Variants in GLIS3 observed in about 807,000 individuals in gnomAD.
GLIS3 encodes zinc finger protein GLIS3.
GLIS3 carries 53 observed loss-of-function variants against 78.6 expected under a neutral mutation model. That is an observed-to-expected ratio of 0.67 (90% CI 0.54 to 0.85). The LOEUF (loss-of-function observed/expected upper bound fraction) is 0.85, where lower values mean the gene tolerates loss of function less well. GLIS3 is among the 40% of genes least tolerant of loss of function. The pLI, the probability that GLIS3 is intolerant of heterozygous loss-of-function variation, is 0.00. For synonymous variants in GLIS3, 684 were observed against 509.9 expected (o/e 1.34, Z -4.60); for missense variants, 1,703 against 1,231.1 (o/e 1.38, Z -5.74).
intron 6 of GLIS3, among the ~76,000 whole-genome samples, chr9:3,914,667 A>C (rs1399429052): frequency 2.6e-5 from 4 of 152,322 alleles, no homozygotes; most frequent in Admixed American, 1.3e-4. Context: ...CCTTGCTTCT[A>C]AAGAGTCAAT....
intron 4 of GLIS3, among the ~76,000 whole-genome samples, chr9:4,110,088 C>G (rs1366100015): frequency 6.6e-6 from 1 of 152,108 alleles, no homozygotes; most frequent in Non-Finnish European, 1.5e-5. Context: ...TTTCTGTATC[C>G]CCCGGGTAAG....
intron 2 of GLIS3, among the ~76,000 whole-genome samples, chr9:4,224,945 G>A (rs370800536): frequency 1.4e-4 from 21 of 151,612 alleles, no homozygotes; most frequent in African/African-American, 4.6e-4. Context: ...TATGAGTATC[G>A]TTATCATTAC....
At chr9:4,002,381 T>C (rs887865295) in intron 4 of GLIS3, among the ~76,000 whole-genome samples, 1 of 152,200 alleles carries the variant, frequency 6.6e-6, no homozygotes, top group African/African-American at 2.4e-5. Flanking sequence ...TTTGTGTTAT[T>C]TGAAGCCACT....
chr9:4,205,633 G>T (rs757758784), intron 2 of GLIS3, among the ~76,000 whole-genome samples: 15 of 152,312 alleles, frequency 9.8e-5, no homozygotes, highest in Middle Eastern at 3.4e-3. Flanking sequence ...TGGATGTGGG[G>T]AGAATCCAGG....
At chr9:3,835,381 C>CT (rs1359086290) in intron 9 of GLIS3, among the ~76,000 whole-genome samples, 1 of 152,176 alleles carries the variant, frequency 6.6e-6, no homozygotes, top group Non-Finnish European at 1.5e-5. Flanking sequence ...AGAGTGTGAC[C>CT]TAGTCAGGCT....
intron 4 of GLIS3, among the ~76,000 whole-genome samples, chr9:3,941,951 T>A (rs977175933): frequency 1.3e-5 from 2 of 152,214 alleles, no homozygotes; most frequent in African/African-American, 4.8e-5. Context: ...AAGATGACCT[T>A]TGAAATGTTA....
chr9:4,339,258 T>A (rs986263509), intron 2 of GLIS3, among the ~76,000 whole-genome samples: 7 of 152,216 alleles, frequency 4.6e-5, no homozygotes, highest in African/African-American at 1.4e-4. Flanking sequence ...TGAATTGATC[T>A]GTTGTTTTGT....
intron 4 of GLIS3, among the ~76,000 whole-genome samples, chr9:3,953,795 C>CTCTCTATATATATATATATATA (rs1403671770): frequency 4.1e-5 from 3 of 73,330 alleles, no homozygotes; most frequent in African/African-American, 1.7e-4. Context: ...CTCTCTCTCT[C>CTCTCTATATATATATATATATA]TATATATATA....
intron 4 of GLIS3, among the ~76,000 whole-genome samples, chr9:3,959,426 A>C (rs1231253062): frequency 1.3e-5 from 2 of 152,212 alleles, no homozygotes; most frequent in African/African-American, 4.8e-5. Flanking sequence ...TGAGAGGACT[A>C]AGGCAGCTTT....
At chr9:4,210,961 G>T (rs1014146766) in intron 2 of GLIS3, among the ~76,000 whole-genome samples, 1 of 152,172 alleles carries the variant, frequency 6.6e-6, no homozygotes, top group Non-Finnish European at 1.5e-5. Flanking sequence ...CCTCTGCGCA[G>T]AGTTTCCACT....
At chr9:4,451,146 G>A in the GLIS3 span, among the ~76,000 whole-genome samples, 1 of 152,136 alleles carries the variant, frequency 6.6e-6, no homozygotes. Flanking sequence ...ATAAAGGGAT[G>A]GAGGAAGATC....
At chr9:4,092,568 T>A (rs755736781) in intron 4 of GLIS3, among the ~76,000 whole-genome samples, 7 of 152,282 alleles carry the variant, frequency 4.6e-5, no homozygotes, top group East Asian at 1.9e-4. Flanking sequence ...TGTTGAAAAG[T>A]AAGACATGAA....
At chr9:4,257,475 A>T (rs1825074115) in intron 2 of GLIS3, among the ~76,000 whole-genome samples, 1 of 152,200 alleles carries the variant, frequency 6.6e-6, no homozygotes, top group Non-Finnish European at 1.5e-5. Context: ...GATTTTGGGT[A>T]CTCTTACCAC....
chr9:4,206,074 A>G (rs138788984), intron 2 of GLIS3, among the ~76,000 whole-genome samples: 18 of 152,302 alleles, frequency 1.2e-4, no homozygotes, highest in African/African-American at 4.3e-4. Flanking sequence ...ATGGAAGGGA[A>G]AATATATAAG....
chr9:3,958,563 G>C (rs911319750), intron 4 of GLIS3, among the ~76,000 whole-genome samples: 1 of 152,150 alleles, frequency 6.6e-6, no homozygotes. Context: ...GCAGGGTCCT[G>C]TCTTATACTT....
At chr9:4,468,108 G>A in the GLIS3 span, among the ~76,000 whole-genome samples, 1 of 152,158 alleles carries the variant, frequency 6.6e-6, no homozygotes, top group Middle Eastern at 3.2e-3. Context: ...AAAAAGAAAT[G>A]AACAAAGCCT....
chr9:4,427,204 G>T, the GLIS3 span, among the ~76,000 whole-genome samples: 1 of 152,098 alleles, frequency 6.6e-6, no homozygotes, highest in African/African-American at 2.4e-5. Flanking sequence ...AAATCATTCT[G>T]GGGTTTGGAA....
chr9:4,082,188 A>C (rs796425538), intron 4 of GLIS3, among the ~76,000 whole-genome samples: 5 of 152,364 alleles, frequency 3.3e-5, no homozygotes, highest in African/African-American at 1.2e-4. Flanking sequence ...GAGTAAGAGC[A>C]TCATGCAGGC....
the GLIS3 span, among the ~76,000 whole-genome samples, chr9:4,362,268 TTACC>T: frequency 6.6e-6 from 1 of 152,114 alleles, no homozygotes; most frequent in Admixed American, 6.6e-5. Flanking sequence ...TTCTTTCTTT[TTACC>T]TACTTTCCTT....
Sources: allele counts gnomAD v4.1 joint callset (sites outside exome capture counted in the v4.1 genomes callset), GRCh38; gene constraint gnomAD v4.1.1; transcripts MANE v1.5; gene names NCBI Gene and HGNC (gene_info 2026-07-23, HGNC 2026-07-21).